RPH3A: variants seen among roughly 807,000 people sequenced by gnomAD.
RPH3A encodes the protein rabphilin 3A.
RPH3A carries 48 observed loss-of-function variants against 102.2 expected under a neutral mutation model. The ratio of observed to expected loss-of-function variants is 0.47; its 90% CI spans 0.37 to 0.60. RPH3A has a LOEUF of 0.60. Among genes scored for constraint, RPH3A ranks in the 20% least tolerant of loss-of-function variants. The pLI is 0.00. For missense variants in RPH3A, 781 were observed against 910.1 expected, an observed-to-expected ratio of 0.86 and a Z score of 1.83; for synonymous variants, 310 against 324.3, an observed-to-expected ratio of 0.96 and a Z score of 0.47.
At chr12:112,677,140 A>G (rs1307589477) in intron 1 of RPH3A, among the ~76,000 whole-genome samples, 4 of 152,210 alleles carry the variant, frequency 2.6e-5, no homozygotes, top group African/African-American at 9.6e-5. Flanking sequence ...TACACCCAGC[A>G]AAGGAACCCC....
intron 1 of RPH3A, among the ~76,000 whole-genome samples, chr12:112,705,026 T>C (rs1235284280): frequency 6.6e-6 from 1 of 152,200 alleles, no homozygotes; most frequent in Non-Finnish European, 1.5e-5. Context: ...CAAATAAAAG[T>C]TCAATCTGGT....
chr12:112,757,750 TAG>T (rs1463565136), intron 1 of RPH3A, among the ~76,000 whole-genome samples: 1 of 152,122 alleles, frequency 6.6e-6, no homozygotes, highest in Non-Finnish European at 1.5e-5. Context: ...AGATGGGTGG[TAG>T]AGAGTGGGTC....
intron 1 of RPH3A, among the ~76,000 whole-genome samples, chr12:112,727,729 G>T (rs1362427014): frequency 1.3e-5 from 2 of 152,028 alleles, no homozygotes; most frequent in African/African-American, 4.8e-5. Flanking sequence ...AGAAAGAAAA[G>T]AATCTTGATT....
intron 1 of RPH3A, among the ~76,000 whole-genome samples, chr12:112,657,539 AG>A (rs1489887035): frequency 6.6e-6 from 1 of 152,198 alleles, no homozygotes; most frequent in Non-Finnish European, 1.5e-5. Flanking sequence ...CATCACCGCA[AG>A]CAAATGAGTA....
chr12:112,727,216 G>T (rs1317852951), intron 1 of RPH3A, among the ~76,000 whole-genome samples: 1 of 150,680 alleles, frequency 6.6e-6, no homozygotes, highest in Non-Finnish European at 1.5e-5. Context: ...ATATCGAAGA[G>T]GTGTTGTGTT....
Position 112,890,839 on chromosome 12 carries a change from C to A in RPH3A, c.1621-10C>A. Reference sequence around the variant, plus strand: ...CTCCAAGGCCCACACTGCCTTTTCCCCCAATGCAGCAGGTGGAGCGTGTTG... The same window carrying A: ...CTCCAAGGCCCACACTGCCTTTTCCACCAATGCAGCAGGTGGAGCGTGTTG... On this transcript the variant is annotated splice_polypyrimidine_tract_variant and intron_variant, in intron 18 of 21. Transcript: ENST00000389385. The A allele has an allele frequency of 1.2e-6, 2 of 1,612,488 alleles. No homozygotes were observed. The highest frequency in any genetic ancestry group is 1.7e-6 in the Non-Finnish European group (2 of 1,179,130).
At chr12:112,862,697 C>G (rs971196120) in intron 5 of RPH3A, among the ~76,000 whole-genome samples, 1 of 152,142 alleles carries the variant, frequency 6.6e-6, no homozygotes, top group African/African-American at 2.4e-5. Context: ...TGGGTCACAG[C>G]GGAGGCTCCA....
intron 1 of RPH3A, among the ~76,000 whole-genome samples, chr12:112,758,427 G>A (rs1468184210): frequency 6.6e-6 from 1 of 152,190 alleles, no homozygotes; most frequent in East Asian, 1.9e-4. Flanking sequence ...AGAGGTGGGG[G>A]TTTCTAAACA....
At chr12:112,733,168 A>G (rs1184234601) in intron 1 of RPH3A, among the ~76,000 whole-genome samples, 3 of 152,024 alleles carry the variant, frequency 2.0e-5, no homozygotes, top group Non-Finnish European at 4.4e-5. Flanking sequence ...ACAAGCTCCA[A>G]ACACACCTGC....
At chr12:112,885,535 CT>C (rs1335463909) in intron 16 of RPH3A, among the ~76,000 whole-genome samples, 1 of 152,036 alleles carries the variant, frequency 6.6e-6, no homozygotes, top group Non-Finnish European at 1.5e-5. Flanking sequence ...GTTATTTCTG[CT>C]TTTTTCATAG....
intron 1 of RPH3A, among the ~76,000 whole-genome samples, chr12:112,672,580 C>A (rs141275017): frequency 6.6e-6 from 1 of 152,280 alleles, no homozygotes; most frequent in East Asian, 1.9e-4. Context: ...GCTGCAGGTG[C>A]CTTGGTGCTC....
intron 3 of RPH3A, among the ~76,000 whole-genome samples, chr12:112,829,495 C>T (rs1200120752): frequency 1.3e-5 from 2 of 152,124 alleles, no homozygotes; most frequent in African/African-American, 4.8e-5. Context: ...TAATCTCAAA[C>T]TCCTGGGCTC....
intron 2 of RPH3A, among the ~76,000 whole-genome samples, chr12:112,807,960 G>T (rs746480175): frequency 6.6e-6 from 1 of 151,948 alleles, no homozygotes; most frequent in African/African-American, 2.4e-5. Flanking sequence ...ACCAGAACAG[G>T]ATAATTTGAC....
intron 1 of RPH3A, among the ~76,000 whole-genome samples, chr12:112,669,257 G>A (rs949775609): frequency 3.3e-5 from 5 of 152,180 alleles, no homozygotes; most frequent in African/African-American, 4.8e-5. Flanking sequence ...AGGAGTAAAG[G>A]TGGCTTGTGA....
chr12:112,832,989 T>C (rs1162089718), intron 3 of RPH3A, among the ~76,000 whole-genome samples: 3 of 143,580 alleles, frequency 2.1e-5, no homozygotes, highest in Non-Finnish European at 4.5e-5. Flanking sequence ...TAGGCTGGAG[T>C]GCAGTGGCAC....
Position 112,869,951 on chromosome 12 carries a change from C to T in RPH3A, c.708C>T (p.Ala236=). ...ACTATGGGCCTCCCGTGCGCAGGGC[C>T]TCCGAGGCACGAATGAGCTCATCTA... ...RGNYGPPVRR[A]SEARMSSSSR... Residue 236 remains alanine (A), a synonymous_variant, in exon 10 of 22, where the codon GCC becomes GCT. Transcript: ENST00000389385. 1.2e-6 allele frequency: 2 copies of T among 1,614,144 alleles called. No homozygotes were observed. Among genetic ancestry groups the T allele is most frequent in the Non-Finnish European group, 1.7e-6 (2 of 1,180,008 alleles).
intron 2 of RPH3A, among the ~76,000 whole-genome samples, chr12:112,797,751 G>A (rs207473374): frequency 5.9e-5 from 9 of 151,666 alleles, no homozygotes; most frequent in South Asian, 2.1e-4. Context: ...GTGCAGTGGC[G>A]TGATGATCAT....
At chr12:112,869,716 C>T (rs1274863424) in intron 8 of RPH3A, 43 bp from the exon 9 acceptor site, 5 of 1,601,124 alleles carry the variant, frequency 3.1e-6, no homozygotes, top group Non-Finnish European at 4.3e-6. Context: ...TTCCAGACAC[C>T]AGAAAACCAG....
intron 1 of RPH3A, among the ~76,000 whole-genome samples, chr12:112,738,939 G>A (rs929309699): frequency 2.0e-5 from 3 of 152,142 alleles, no homozygotes; most frequent in Non-Finnish European, 2.9e-5. Context: ...TCTAATGAAA[G>A]CAAAGTAGGG....
Sources: allele counts gnomAD v4.1 joint callset (sites outside exome capture counted in the v4.1 genomes callset), GRCh38; gene constraint gnomAD v4.1.1; transcripts MANE v1.5; gene names NCBI Gene and HGNC (gene_info 2026-07-23, HGNC 2026-07-21).